Variants in GADL1 observed in about 807,000 individuals in gnomAD.
The protein encoded by GADL1 is GAD like acidic amino acid decarboxylase 1.
A neutral mutation model predicts 69.5 loss-of-function variants in GADL1; 71 were observed. The ratio of observed to expected loss-of-function variants is 1.02; its 90% CI spans 0.84 to 1.25. The LOEUF (loss-of-function observed/expected upper bound fraction) is 1.25, where lower values mean the gene tolerates loss of function less well. GADL1 is among the 50% of genes most tolerant of loss of function. The probability of loss-of-function intolerance (pLI) is 0.00; values close to 1 mark genes in which losing one functional copy is unlikely to be tolerated. For synonymous variants in GADL1, 254 were observed against 214.4 expected (o/e 1.18, Z -1.62); for missense variants, 737 against 631.8 (o/e 1.17, Z -1.79).
intron 14 of GADL1, among the ~76,000 whole-genome samples, chr3:30,741,374 C>T (rs941302626): frequency 6.6e-6 from 1 of 151,792 alleles, no homozygotes; most frequent in African/African-American, 2.4e-5. Context: ...CCTACATCCC[C>T]ACATTTAACC....
intron 14 of GADL1, among the ~76,000 whole-genome samples, chr3:30,744,310 C>G (rs561100124): frequency 1.3e-5 from 2 of 152,264 alleles, no homozygotes; most frequent in East Asian, 3.9e-4. Flanking sequence ...GTCAAGGCAA[C>G]AAGCTGATGA....
chr3:30,844,285 A>G, intron 7 of GADL1, 21 bp from the exon 8 acceptor site: 1 of 1,605,654 alleles, frequency 6.2e-7, no homozygotes, highest in South Asian at 1.1e-5. Flanking sequence ...AAGATTTGAG[A>G]CTTTCAGTTA....
At chr3:30,877,395 T>A (rs940321041) in intron 1 of GADL1, among the ~76,000 whole-genome samples, 26 of 152,032 alleles carry the variant, frequency 1.7e-4, no homozygotes, top group East Asian at 3.9e-4. Flanking sequence ...AAATTCTCTT[T>A]TTTGTGCCAT....
At chr3:30,741,918 TTG>T (rs1380953168) in intron 14 of GADL1, among the ~76,000 whole-genome samples, 1 of 152,232 alleles carries the variant, frequency 6.6e-6, no homozygotes, top group East Asian at 1.9e-4. Flanking sequence ...ATTGTCCAAA[TTG>T]TTCTCAGGTA....
At chr3:30,732,178 T>C (rs1015751536) in intron 14 of GADL1, among the ~76,000 whole-genome samples, 4 of 152,124 alleles carry the variant, frequency 2.6e-5, no homozygotes, top group African/African-American at 9.7e-5. Flanking sequence ...GCAGAGACAG[T>C]CCTAATCTGA....
rs6550024 is a variant in GADL1 at position 30,786,412 on chromosome 3, A to G, written c.1251-6T>C. 121,721 of 1,364,192 alleles carry G rather than the reference A, an allele frequency of 0.089. 19,931 individuals carry two copies. The highest frequency in any genetic ancestry group is 0.53 in the African/African-American group (36,535 of 68,666). 84.5% of individuals were successfully genotyped at this position (1,364,192 alleles called of 1,614,324 possible). On this transcript the variant is annotated splice_polypyrimidine_tract_variant and splice_region_variant and intron_variant, in intron 12 of 14. Coordinates refer to ENST00000282538, the MANE Select transcript of GADL1 (RefSeq NM_207359.3). ...TGATTTCATCTACTAGGTACCTAAA[A>G]TTAAAAGTCACAATAATATTTATAA...
intron 14 of GADL1, among the ~76,000 whole-genome samples, chr3:30,759,072 G>A (rs965906296): frequency 7.3e-5 from 11 of 151,484 alleles, no homozygotes; most frequent in Non-Finnish European, 1.3e-4. Context: ...TTAAAAATCC[G>A]TTTTTTTTCC....
chr3:30,757,531 A>ATG (rs1199400377), intron 14 of GADL1, among the ~76,000 whole-genome samples: 1 of 152,194 alleles, frequency 6.6e-6, no homozygotes, highest in Non-Finnish European at 1.5e-5. Context: ...CTTAAAGCTA[A>ATG]TGTAATGCTA....
intron 1 of GADL1, among the ~76,000 whole-genome samples, chr3:30,871,677 A>G (rs1027344717): frequency 3.3e-5 from 5 of 151,668 alleles, no homozygotes. Flanking sequence ...ACATTATGAG[A>G]CTACGTTGTG....
intron 1 of GADL1, among the ~76,000 whole-genome samples, chr3:30,879,446 G>C (rs987004120): frequency 6.6e-6 from 1 of 151,752 alleles, no homozygotes; most frequent in Non-Finnish European, 1.5e-5. Flanking sequence ...ATCAATACAG[G>C]CTCTCCCTCT....
chr3:30,765,965 A>G (rs1696266164), intron 14 of GADL1, among the ~76,000 whole-genome samples: 1 of 152,194 alleles, frequency 6.6e-6, no homozygotes, highest in Non-Finnish European at 1.5e-5. Context: ...AATGTGTCAT[A>G]AGAGTATATG....
At chr3:30,865,520 G>A (rs892540423) in intron 1 of GADL1, among the ~76,000 whole-genome samples, 2 of 151,968 alleles carry the variant, frequency 1.3e-5, no homozygotes, top group Non-Finnish European at 2.9e-5. Context: ...TGCCGTCGCA[G>A]GTTGTCTGTA....
At chr3:30,784,492 T>G (rs1249964314) in intron 13 of GADL1, among the ~76,000 whole-genome samples, 2 of 152,216 alleles carry the variant, frequency 1.3e-5, no homozygotes, top group Admixed American at 6.5e-5. Flanking sequence ...ATGCAAGATC[T>G]TCCATATGTC....
chr3:30,763,328 G>A lies in GADL1; in HGVS notation c.1392+14851C>T, dbSNP rs550330155. 3.6e-3 allele frequency among the ~76,000 whole-genome samples: 541 copies of A among 151,786 alleles called. 1 individual carries two copies. Among genetic ancestry groups the A allele is most frequent in the African/African-American group, 0.012 (478 of 41,284 alleles). ...CCTGGCTAACACGGTGAAACCCCCT[G>A]TCGCTACTAAAAATAACACAAAAAA... On this transcript the variant is annotated intron_variant, in intron 14 of 14. Coordinates refer to ENST00000282538, the MANE Select transcript of GADL1 (RefSeq NM_207359.3).
chr3:30,787,521 C>T (rs540327243), intron 12 of GADL1, among the ~76,000 whole-genome samples: 1 of 152,178 alleles, frequency 6.6e-6, no homozygotes, highest in Non-Finnish European at 1.5e-5. Flanking sequence ...AGGACTCAAA[C>T]ATAAGGAAAT....
At chr3:30,795,991 TAA>T (rs1697024764) in intron 12 of GADL1, among the ~76,000 whole-genome samples, 1 of 152,214 alleles carries the variant, frequency 6.6e-6, no homozygotes, top group African/African-American at 2.4e-5. Flanking sequence ...TTACAAACAA[TAA>T]GTGTTTGTTG....
chr3:30,743,290 CTT>C (rs895798127), intron 14 of GADL1, among the ~76,000 whole-genome samples: 40 of 152,264 alleles, frequency 2.6e-4, no homozygotes, highest in African/African-American at 8.9e-4. Flanking sequence ...GAAATTGAAA[CTT>C]ATATTACCAG....
At chr3:30,774,629 A>G (rs1284222956) in intron 14 of GADL1, among the ~76,000 whole-genome samples, 1 of 152,210 alleles carries the variant, frequency 6.6e-6, no homozygotes, top group African/African-American at 2.4e-5. Flanking sequence ...TCAAGTATTT[A>G]TATAATAAAA....
At chr3:30,793,605 CA>C (rs1696967496) in intron 12 of GADL1, among the ~76,000 whole-genome samples, 1 of 152,148 alleles carries the variant, frequency 6.6e-6, no homozygotes, top group Non-Finnish European at 1.5e-5. Flanking sequence ...GGGGTAAGAA[CA>C]TATTAGTATT....
Sources: allele counts gnomAD v4.1 joint callset (sites outside exome capture counted in the v4.1 genomes callset), GRCh38; gene constraint gnomAD v4.1.1; transcripts MANE v1.5; gene names NCBI Gene and HGNC (gene_info 2026-07-23, HGNC 2026-07-21).